Variants in PTPN4 observed in about 807,000 individuals in gnomAD.
The protein encoded by PTPN4 is tyrosine-protein phosphatase non-receptor type 4.
In PTPN4, 49 loss-of-function variants were observed where a neutral mutation model predicts 135.5. That is an observed-to-expected ratio of 0.36 (90% CI 0.29 to 0.46). The LOEUF is 0.46. PTPN4 is among the 20% of genes least tolerant of loss of function. The pLI is 1.00. For missense variants in PTPN4, 860 were observed against 1,101.0 expected (o/e 0.78, Z 3.10); for synonymous variants, 333 against 369.9 (o/e 0.90, Z 1.14).
At chr2:119,851,546 C>T (rs1228230444) in intron 2 of PTPN4, among the ~76,000 whole-genome samples, 3 of 152,170 alleles carry the variant, frequency 2.0e-5, no homozygotes, top group African/African-American at 4.8e-5. Context: ...CCTTCTTACC[C>T]TTTGGAAGTG....
chr2:119,949,550 G>C (rs535853277), intron 18 of PTPN4, among the ~76,000 whole-genome samples: 2 of 152,178 alleles, frequency 1.3e-5, no homozygotes, highest in African/African-American at 2.4e-5. Context: ...TCATTTTAAC[G>C]TAGTTTATTG....
chr2:119,819,519 T>C lies in PTPN4; in HGVS notation c.138+9528T>C, dbSNP rs543432612. 5.3e-5 allele frequency among the ~76,000 whole-genome samples: 8 copies of C among 152,332 alleles called. No individual in the cohort carries two copies. In the South Asian group the frequency reaches 1.7e-3, roughly 32 times the overall value. On this transcript the variant is annotated intron_variant, in intron 2 of 26. Transcript: ENST00000263708. Reference sequence around the variant, plus strand: ...ACTTGACCCAGATAGTTGAGCCAAATAGGACTTAGATCTCAGTTAATAATA... The same window carrying C: ...ACTTGACCCAGATAGTTGAGCCAAACAGGACTTAGATCTCAGTTAATAATA...
intron 2 of PTPN4, among the ~76,000 whole-genome samples, chr2:119,857,850 GATGTTTGTCCCCTCCAA>G (rs1677704667): frequency 6.6e-6 from 1 of 152,060 alleles, no homozygotes; most frequent in Non-Finnish European, 1.5e-5. Flanking sequence ...ATATGGTTTG[GATGTTTGTCCCCTCCAA>G]ATCTCATGCT....
Position 119,913,900 on chromosome 2 carries a change from A to G in PTPN4, c.765-1279A>G, listed in dbSNP as rs561761522. Among the ~76,000 whole-genome samples, 10 of 152,202 alleles carry G rather than the reference A, an allele frequency of 6.6e-5. No individual in the cohort carries two copies. In the East Asian group the frequency reaches 1.9e-3, roughly 29 times the overall value. On this transcript the variant is annotated intron_variant, in intron 10 of 26. Coordinates refer to ENST00000263708, the MANE Select transcript of PTPN4 (RefSeq NM_002830.4). ...GCTATATTACTGCTATATAAAATAG[A>G]TACTGTTTGAAAGATTTTTAATTTA...
intron 18 of PTPN4, 173 bp downstream of exon 18, chr2:119,946,747 TGTAA>T: frequency 1.9e-6 from 1 of 532,790 alleles, no homozygotes; most frequent in East Asian, 3.3e-5. Context: ...ACTTGTTCTC[TGTAA>T]GTATTTAAAA....
intron 2 of PTPN4, among the ~76,000 whole-genome samples, chr2:119,836,918 C>T (rs569165770): frequency 6.6e-6 from 1 of 152,296 alleles, no homozygotes; most frequent in South Asian, 2.1e-4. Context: ...GAGGATGGCT[C>T]GTCACGGGCC....
rs908949322 is a variant in PTPN4, at chr2:119,977,767, A to C, written c.*697A>C. ...TCATAAGGTTGGCTTATTCCAAATCATGTGATTTCACATACTTGATGTAAA... is the reference window on the plus strand; with the variant it reads ...TCATAAGGTTGGCTTATTCCAAATCCTGTGATTTCACATACTTGATGTAAA... On this transcript the variant is annotated 3_prime_UTR_variant, in exon 27 of 27. Coordinates refer to ENST00000263708, the MANE Select transcript of PTPN4 (RefSeq NM_002830.4). 1.3e-5 allele frequency: 2 copies of C among 152,224 alleles called. No homozygotes were observed. The highest frequency in any genetic ancestry group is 2.9e-5 in the Non-Finnish European group (2 of 68,042). The allele number at this position is 152,224 out of a possible 1,614,324, so 9.4% of individuals were successfully genotyped here.
intron 2 of PTPN4, among the ~76,000 whole-genome samples, chr2:119,857,602 A>G (rs1440067255): frequency 6.6e-6 from 1 of 151,250 alleles, no homozygotes; most frequent in African/African-American, 2.4e-5. Context: ...AACCTTACCG[A>G]GGACTCCTTA....
At chr2:119,936,422 G>C (rs1678985064) in intron 15 of PTPN4, among the ~76,000 whole-genome samples, 1 of 152,184 alleles carries the variant, frequency 6.6e-6, no homozygotes, top group Admixed American at 6.5e-5. Flanking sequence ...GCAGGACCAG[G>C]TAAAGGTAGT....
chr2:119,846,132 G>C (rs1303880627), intron 2 of PTPN4, among the ~76,000 whole-genome samples: 1 of 152,148 alleles, frequency 6.6e-6, no homozygotes, highest in Non-Finnish European at 1.5e-5. Context: ...GGAGAATATT[G>C]CATGTGCACT....
chr2:119,796,203 G>A (rs545120934), intron 1 of PTPN4, among the ~76,000 whole-genome samples: 323 of 152,330 alleles, frequency 2.1e-3, no homozygotes, highest in African/African-American at 7.6e-3. Context: ...CAGCTGGCGT[G>A]ATGGCAGTGG....
intron 2 of PTPN4, among the ~76,000 whole-genome samples, chr2:119,828,468 C>A (rs1677176074): frequency 6.6e-6 from 1 of 152,112 alleles, no homozygotes; most frequent in Non-Finnish European, 1.5e-5. Flanking sequence ...GTTGGTGGAC[C>A]CTTGATTTGT....
chr2:119,924,126 G>A (rs1212028039), intron 12 of PTPN4, among the ~76,000 whole-genome samples: 1 of 120,156 alleles, frequency 8.3e-6, no homozygotes, highest in African/African-American at 3.4e-5. Flanking sequence ...GACAGAGTGA[G>A]ACTCCGTCTC....
rs766292636 is a variant in PTPN4, at chr2:119,956,941, A to G, written c.2071+7A>G. 6 of 1,607,588 alleles carry G rather than the reference A, an allele frequency of 3.7e-6. No homozygotes were observed. The African/African-American group carries it at 5.4e-5, about 14-fold the overall frequency. ...TACAGAGATATTTCGCCTTGTAAGTATCTTATTGTCTCTGTTAAATTTAAT... is the reference window on the plus strand; with the variant it reads ...TACAGAGATATTTCGCCTTGTAAGTGTCTTATTGTCTCTGTTAAATTTAAT... On this transcript the variant is annotated splice_region_variant and intron_variant, in intron 21 of 26. Transcript: ENST00000263708.
rs996295933 is a variant in PTPN4, at chr2:119,979,502, T to G, written c.*2432T>G. On this transcript the variant is annotated 3_prime_UTR_variant, in exon 27 of 27. Transcript: ENST00000263708. ...ATTTTTATGTGCAGAAAAGATCCTT[T>G]TTGAAAACCATATTTATTGGGATCT... The G allele has an allele frequency of 1.3e-5, 2 of 152,164 alleles. No homozygotes were observed. Among genetic ancestry groups the G allele is most frequent in the Non-Finnish European group, 2.9e-5 (2 of 67,982 alleles). 9.4% of individuals were successfully genotyped at this position (152,164 alleles called of 1,614,324 possible).
At chr2:119,836,300 G>C (rs143974618) in intron 2 of PTPN4, among the ~76,000 whole-genome samples, 32 of 152,340 alleles carry the variant, frequency 2.1e-4, no homozygotes, top group African/African-American at 7.2e-4. Flanking sequence ...CTCAGCCTGA[G>C]ACACTCAAGG....
chr2:119,806,124 A>G (rs1691462739), intron 1 of PTPN4, among the ~76,000 whole-genome samples: 1 of 152,238 alleles, frequency 6.6e-6, no homozygotes, highest in African/African-American at 2.4e-5. Context: ...CTGTAAAAAC[A>G]TGCCAAATTG....
Position 119,967,972 on chromosome 2 carries a change from T to C in PTPN4, c.2694T>C (p.Pro898=), listed in dbSNP as rs1044105523. ...AGCGAGCCATGATGATCCAAACACC[T>C]GTGAGTACTGTACTTTATATACAAG... ...RDQRAMMIQT[P]SQYRFVCEAI... The change falls in exon 26 of 27, where the codon CCT becomes CCC. Residue 898 remains proline, a splice_region_variant and synonymous_variant. Transcript: ENST00000263708. The C allele has an allele frequency of 5.0e-6, 8 of 1,592,574 alleles. No individual in the cohort carries two copies. The African/African-American group carries it at 9.4e-5, about 19-fold the overall frequency.
intron 2 of PTPN4, among the ~76,000 whole-genome samples, chr2:119,857,911 A>C (rs1677705719): frequency 6.6e-6 from 1 of 152,208 alleles, no homozygotes; most frequent in Non-Finnish European, 1.5e-5. Context: ...GGTAGAGCCC[A>C]GTAGAAGGCA....
Sources: gnomAD v4.1 joint callset for allele counts (sites outside exome capture counted in the v4.1 genomes callset) on GRCh38, gnomAD v4.1.1 for gene constraint, MANE v1.5 for transcripts, NCBI Gene and HGNC (gene_info 2026-07-23, HGNC 2026-07-21) for gene names.